TMEM54: variants seen among roughly 807,000 people sequenced by gnomAD.
TMEM54 encodes transmembrane protein 54, also known as beta-casein-like protein.
A neutral mutation model predicts 21.3 loss-of-function variants in TMEM54; 21 were observed. The ratio of observed to expected loss-of-function variants is 0.99; its 90% CI spans 0.70 to 1.42. The LOEUF is 1.42. TMEM54 is among the 40% of genes most tolerant of loss of function. The pLI is 0.00. For synonymous variants in TMEM54, 109 were observed against 125.0 expected (o/e 0.87, Z 0.86); for missense variants, 246 against 294.0 (o/e 0.84, Z 1.19).
At chr1:32,898,407 C>A in intron 1 of TMEM54, 88 bp from the exon 2 acceptor site, 1 of 1,278,030 alleles carries the variant, frequency 7.8e-7, no homozygotes, top group Non-Finnish European at 1.1e-6. Context: ...TAGTGATGGA[C>A]ATTGGGTTCT....
Position 32,896,074 on chromosome 1 carries a change from C to T in TMEM54, c.211-105G>A. 8.1e-7 allele frequency: 1 copy of T among 1,231,238 alleles called. No homozygotes were observed. The highest frequency in any genetic ancestry group is 1.1e-6 in the Non-Finnish European group (1 of 891,108). 76.3% of individuals were successfully genotyped at this position (1,231,238 alleles called of 1,614,324 possible). A position where few individuals can be genotyped will look rare whatever the true frequency, so the allele number is the denominator to read the frequency against. ...TGATCTCACCGGCGCCAACCATTGC[C>T]CTCCAGACTCCCCCACCCCTCACCT... is the stretch of plus-strand genomic sequence containing the variant. On this transcript the variant is annotated intron_variant, in intron 2 of 5. Transcript: ENST00000373463. This position sits in a 1 kb window ranked among gnomAD's most constrained non-coding sequence, Gnocchi z 4.1.
chr1:32,895,301 T>A lies in TMEM54; in HGVS notation c.594+4A>T. ...GGGGAGTCAGGGCTGTGGAGGGAAC[T>A]TACCATGTGGTGGCTGCTTTTCCCC... On this transcript the variant is annotated splice_donor_region_variant and intron_variant, in intron 5 of 5. Coordinates refer to ENST00000373463, the MANE Select transcript of TMEM54 (RefSeq NM_033504.4). This position sits in a 1 kb window ranked among gnomAD's most constrained non-coding sequence, Gnocchi z 5.8. 6.2e-7 allele frequency: 1 copy of A among 1,608,336 alleles called. No individual in the cohort carries two copies. Among genetic ancestry groups the A allele is most frequent in the Non-Finnish European group, 8.5e-7 (1 of 1,176,082 alleles).
chr1:32,900,627 C>G (rs556798408), intron 1 of TMEM54, among the ~76,000 whole-genome samples: 3 of 152,332 alleles, frequency 2.0e-5, no homozygotes, highest in East Asian at 3.9e-4. Flanking sequence ...GTGGGAACTA[C>G]TGTCCCCCTC....
Position 32,896,929 on chromosome 1 carries a change from G to A in TMEM54, c.211-960C>T, listed in dbSNP as rs990859063. On this transcript the variant is annotated intron_variant, in intron 2 of 5. Transcript: ENST00000373463. This position sits in a 1 kb window ranked among gnomAD's most constrained non-coding sequence, Gnocchi z 4.1. ...TAGTTTCCAATCTGGTTTGGCTTCTGTGTATCAGCAGGAGGTTGGGTGAAT... is the reference window on the plus strand; with the variant it reads ...TAGTTTCCAATCTGGTTTGGCTTCTATGTATCAGCAGGAGGTTGGGTGAAT... Among the ~76,000 whole-genome samples, 1 of 152,256 alleles carries A rather than the reference G, an allele frequency of 6.6e-6. No individual in the cohort carries two copies. The highest frequency in any genetic ancestry group is 2.4e-5 in the African/African-American group (1 of 41,468).
At chr1:32,900,306 C>T (rs983596513) in intron 1 of TMEM54, among the ~76,000 whole-genome samples, 6 of 152,216 alleles carry the variant, frequency 3.9e-5, no homozygotes, top group Admixed American at 2.6e-4. Flanking sequence ...CTGGCCTGAT[C>T]GTGGCTCACT....
intron 1 of TMEM54, among the ~76,000 whole-genome samples, chr1:32,899,355 G>A (rs1641672739): frequency 6.7e-6 from 1 of 150,314 alleles, no homozygotes; most frequent in Non-Finnish European, 1.5e-5. Flanking sequence ...TGGTAGAGCG[G>A]TTTGGTCATA....
At position 32,894,781 on chromosome 1, in the gene TMEM54, C is replaced by T. The variant is rs140356300; in HGVS notation, c.*24G>A. On this transcript the variant is annotated 3_prime_UTR_variant, in exon 6 of 6. Transcript: ENST00000373463. The stretch of plus-strand genomic sequence containing the variant: ...TTGCTTGCAGGGTCCTAGTGGCCAT[C>T]GGGCCTGGGCAGGACATCATCTCTC... The T allele has an allele frequency of 2.7e-3, 4,344 of 1,601,410 alleles. 103 individuals are homozygous for T. The East Asian group carries it at 0.066, about 24-fold the overall frequency.
At chr1:32,899,218 C>T (rs546566531) in intron 1 of TMEM54, among the ~76,000 whole-genome samples, 1 of 152,122 alleles carries the variant, frequency 6.6e-6, no homozygotes, top group African/African-American at 2.4e-5. Flanking sequence ...CCTGCCAGCC[C>T]CTCACTAGAG....
Position 32,898,912 on chromosome 1 carries a change from T to C in TMEM54, c.17-593A>G, listed in dbSNP as rs74066425. Among the ~76,000 whole-genome samples, 884 of 152,098 alleles carry C rather than the reference T, an allele frequency of 5.8e-3. 9 individuals are homozygous for C. The highest frequency in any genetic ancestry group is 0.02 in the African/African-American group (831 of 41,484). Reference sequence around the variant, plus strand: ...AAGGCTCTGAATCTCCATGTCCCCATCTGTAAAATGGGAAGAAGAACCTTG... The same window carrying C: ...AAGGCTCTGAATCTCCATGTCCCCACCTGTAAAATGGGAAGAAGAACCTTG... On this transcript the variant is annotated intron_variant, in intron 1 of 5. Transcript: ENST00000373463.
chr1:32,898,393 G>A (rs1641650546), intron 1 of TMEM54, 74 bp from the exon 2 acceptor site: 1 of 1,413,930 alleles, frequency 7.1e-7, no homozygotes. Flanking sequence ...TGAGGCCCTG[G>A]CCCTAGTGAT....
At position 32,901,255 on chromosome 1, in the gene TMEM54, T is replaced by C; in HGVS notation, c.-17A>G. ...CAGACACATGTCGGCTCCGCGCTGG[T>C]CCCGCCCCCGGCTTCAGCGCGGCTC... On this transcript the variant is annotated 5_prime_UTR_variant, in exon 1 of 6. Transcript: ENST00000373463. The surrounding 1 kb of genome is among the most constrained non-coding windows in gnomAD (Gnocchi z 4.2). 1 of 1,418,702 alleles carries C rather than the reference T, an allele frequency of 7.0e-7. No individual in the cohort carries two copies. Among genetic ancestry groups the C allele is most frequent in the Non-Finnish European group, 9.3e-7 (1 of 1,073,184 alleles). 87.9% of individuals were successfully genotyped at this position (1,418,702 alleles called of 1,614,324 possible). A position where few individuals can be genotyped will look rare whatever the true frequency, so the allele number is the denominator to read the frequency against.
chr1:32,894,733 C>T lies in TMEM54; in HGVS notation c.*72G>A. The T allele has an allele frequency of 6.4e-7, 1 of 1,572,038 alleles. No homozygotes were observed. Among genetic ancestry groups the T allele is most frequent in the South Asian group, 1.1e-5 (1 of 88,504 alleles). ...GCCCTCTCAGGCCAGCTCCAGGAAT[C>T]CTGGCCTGGTCACAGAGCAGAGTTG... On this transcript the variant is annotated 3_prime_UTR_variant, in exon 6 of 6. Transcript: ENST00000373463.
intron 1 of TMEM54, among the ~76,000 whole-genome samples, chr1:32,900,996 G>A (rs1641713946): frequency 6.6e-6 from 1 of 152,216 alleles, no homozygotes; most frequent in African/African-American, 2.4e-5. Flanking sequence ...GAGGGTAAGA[G>A]ACGCTACAGC....
chr1:32,900,728 GC>G (rs913170648), intron 1 of TMEM54, among the ~76,000 whole-genome samples: 1 of 152,226 alleles, frequency 6.6e-6, no homozygotes, highest in Non-Finnish European at 1.5e-5. Flanking sequence ...GCATCACCGT[GC>G]CCAGGCAGTG....
chr1:32,894,938 A>C (rs941830725), intron 5 of TMEM54, 59 bp from the exon 6 acceptor site: 43 of 1,586,126 alleles, frequency 2.7e-5, no homozygotes, highest in Non-Finnish European at 3.6e-5. Flanking sequence ...CTCCTCCTCC[A>C]GGACATCCGG....
chr1:32,901,184 G>C lies in TMEM54; in HGVS notation c.16+39C>G. 1 of 1,477,554 alleles carries C rather than the reference G, an allele frequency of 6.8e-7. No individual in the cohort carries two copies. Among genetic ancestry groups the C allele is most frequent in the South Asian group, 1.4e-5 (1 of 73,716 alleles). The allele number at this position is 1,477,554 out of a possible 1,614,324, so 91.5% of individuals were successfully genotyped here. A position where few individuals can be genotyped will look rare whatever the true frequency, so the allele number is the denominator to read the frequency against. ...GTGCTCCGCTCCTGTGGGAGGGTTG[G>C]GGTGGTTCGGGGCCTCCCGCGCGCC... On this transcript the variant is annotated intron_variant, in intron 1 of 5. Transcript: ENST00000373463. This position sits in a 1 kb window ranked among gnomAD's most constrained non-coding sequence, Gnocchi z 4.2.
Position 32,895,083 on chromosome 1 carries a change from ACT to A in TMEM54, c.595-206_595-205del. 2.4e-6 allele frequency: 2 copies of A among 822,808 alleles called. No homozygotes were observed. The highest frequency in any genetic ancestry group is 2.9e-6 in the Non-Finnish European group (2 of 681,838). The allele number at this position is 822,808 out of a possible 1,614,324, so 51.0% of individuals were successfully genotyped here. On this transcript the variant is annotated intron_variant, in intron 5 of 5. Transcript: ENST00000373463. The surrounding 1 kb of genome is among the most constrained non-coding windows in gnomAD (Gnocchi z 5.8). ...CAGACACCCCTGCCCCTCCCTCAAG[ACT>A]CATCCTGGGCCCTAGGAGAGCCAGG...
chr1:32,900,913 G>C (rs1178181739), intron 1 of TMEM54, among the ~76,000 whole-genome samples: 1 of 152,214 alleles, frequency 6.6e-6, no homozygotes, highest in African/African-American at 2.4e-5. Context: ...GCTCTCTCCA[G>C]CGTCTCCTCT....
At chr1:32,898,660 C>T (rs1570039342) in intron 1 of TMEM54, among the ~76,000 whole-genome samples, 1 of 152,276 alleles carries the variant, frequency 6.6e-6, no homozygotes, top group African/African-American at 2.4e-5. Context: ...TTCACTGATT[C>T]GTGTGTTCAC....
Sources: gnomAD v4.1 joint callset for allele counts (sites outside exome capture counted in the v4.1 genomes callset) on GRCh38, gnomAD v4.1.1 for gene constraint, Gnocchi (gnomAD v3.1) non-coding constraint, MANE v1.5 for transcripts, NCBI Gene and HGNC (gene_info 2026-07-23, HGNC 2026-07-21) for gene names.